SFMBT2: variants seen among roughly 807,000 people sequenced by gnomAD.
SFMBT2 encodes scm-like with four MBT domains protein 2.
In SFMBT2, 38 loss-of-function variants were observed where a neutral mutation model predicts 110.1. The ratio of observed to expected loss-of-function variants is 0.35; its 90% CI spans 0.27 to 0.45. The LOEUF is 0.45. Ranked by LOEUF, SFMBT2 falls within the 20% of genes least tolerant of loss-of-function variation. The pLI, the probability that SFMBT2 is intolerant of heterozygous loss-of-function variation, is 1.00. For missense variants in SFMBT2, 1,011 were observed against 1,094.9 expected, an observed-to-expected ratio of 0.92 and a Z score of 1.08; for synonymous variants, 425 against 425.4, an observed-to-expected ratio of 1.00 and a Z score of 0.01.
chr10:7,200,330 A>C (rs190675340), intron 14 of SFMBT2, 84 bp downstream of exon 14: 2 of 1,074,954 alleles, frequency 1.9e-6, no homozygotes, highest in East Asian at 5.5e-5. Context: ...AGATGTATTC[A>C]TATCGACCTA....
chr10:7,186,423 T>TACACACACACAC (rs766631230), intron 16 of SFMBT2, among the ~76,000 whole-genome samples: 1 of 108,136 alleles, frequency 9.2e-6, no homozygotes, highest in South Asian at 3.0e-4. Flanking sequence ...ACATACTATA[T>TACACACACACAC]ATACACACAC....
At chr10:7,252,533 C>T (rs987452191) in intron 7 of SFMBT2, among the ~76,000 whole-genome samples, 1 of 152,192 alleles carries the variant, frequency 6.6e-6, no homozygotes, top group African/African-American at 2.4e-5. Flanking sequence ...CATTAAACTT[C>T]CCATCTTTGC....
intron 4 of SFMBT2, among the ~76,000 whole-genome samples, chr10:7,304,758 G>A (rs1287394305): frequency 1.3e-5 from 2 of 152,212 alleles, no homozygotes; most frequent in Admixed American, 6.5e-5. Flanking sequence ...AAAGGAGAAG[G>A]AAATCTCTTG....
chr10:7,284,314 C>A, intron 5 of SFMBT2, 164 bp from the exon 6 acceptor site: 15 of 1,425,788 alleles, frequency 1.1e-5, no homozygotes, highest in Non-Finnish European at 1.3e-5. Flanking sequence ...TGCCCCACCC[C>A]TTCCCTTTCC....
chr10:7,205,946 G>A lies in SFMBT2; in HGVS notation c.1331-18C>T, dbSNP rs756748261. Reference sequence around the variant, plus strand: ...CTGCAGCCCTGCATGGGAAGAAGTTGAAACAAGAGGTACAAACAGATCTTA... The same window carrying A: ...CTGCAGCCCTGCATGGGAAGAAGTTAAAACAAGAGGTACAAACAGATCTTA... On this transcript the variant is annotated intron_variant, in intron 11 of 20. Coordinates refer to ENST00000397167, the MANE Select transcript of SFMBT2 (RefSeq NM_001387889.1). 9.9e-6 allele frequency: 16 copies of A among 1,613,276 alleles called. No homozygotes were observed. The South Asian group carries it at 1.3e-4, about 13-fold the overall frequency.
chr10:7,387,350 C>T (rs1344922903), intron 1 of SFMBT2, among the ~76,000 whole-genome samples: 1 of 152,148 alleles, frequency 6.6e-6, no homozygotes, highest in African/African-American at 2.4e-5. Context: ...AATGGAACAT[C>T]TGATTTATTT....
At chr10:7,252,568 C>T (rs1840846585) in intron 7 of SFMBT2, among the ~76,000 whole-genome samples, 1 of 152,160 alleles carries the variant, frequency 6.6e-6, no homozygotes, top group South Asian at 2.1e-4. Context: ...GAACATAAAA[C>T]ATCAAAACCA....
At chr10:7,385,027 T>G (rs1331107907) in intron 1 of SFMBT2, among the ~76,000 whole-genome samples, 1 of 152,160 alleles carries the variant, frequency 6.6e-6, no homozygotes, top group Middle Eastern at 3.2e-3. Flanking sequence ...GCGCTACACC[T>G]GGAGCTTACA....
rs781121030 is a variant in SFMBT2 at position 7,176,103 on chromosome 10, T to C, written c.1871A>G (p.Asn624Ser). ...CTTGGCACAGACTCGGCGGCAGAAA[T>C]TTGCGACTTGGTCAGATGTCCGTAC... Reference protein sequence around the residue: ...KIVRTSDQVANFCRRVCAKLE... With the variant: ...KIVRTSDQVASFCRRVCAKLE... Residue 624 changes from asparagine to serine, a missense_variant, in exon 17 of 21, where the codon AAT (asparagine) becomes AGT (serine). Asn to Ser is a conservative substitution (Grantham distance 46). Around this residue, in one of 2 missense-constraint regions of SFMBT2, gnomAD observed 979 missense variants for 1,016.1 expected, o/e 0.96. Transcript: ENST00000397167. 6 of 1,614,050 alleles carry C rather than the reference T, an allele frequency of 3.7e-6. No individual in the cohort carries two copies. In the East Asian group the frequency reaches 1.3e-4, roughly 36 times the overall value.
intron 4 of SFMBT2, among the ~76,000 whole-genome samples, chr10:7,297,574 G>C (rs1210981663): frequency 1.3e-5 from 2 of 152,040 alleles, no homozygotes; most frequent in Non-Finnish European, 1.5e-5. Context: ...GGATGAGGAG[G>C]CCATCACGGG....
intron 2 of SFMBT2, among the ~76,000 whole-genome samples, chr10:7,381,388 T>C (rs1355084054): frequency 1.3e-5 from 2 of 152,188 alleles, no homozygotes; most frequent in Non-Finnish European, 1.5e-5. Context: ...TGCAACTAAC[T>C]TCCTGTCAAG....
chr10:7,240,945 G>C (rs1840410580), intron 9 of SFMBT2, among the ~76,000 whole-genome samples: 1 of 152,126 alleles, frequency 6.6e-6, no homozygotes, highest in South Asian at 2.1e-4. Flanking sequence ...TGGTTTGGCT[G>C]TGTCCTCACC....
At chr10:7,350,140 C>T (rs1303929338) in intron 4 of SFMBT2, among the ~76,000 whole-genome samples, 1 of 152,036 alleles carries the variant, frequency 6.6e-6, no homozygotes, top group Non-Finnish European at 1.5e-5. Context: ...CAACCTTGAT[C>T]CTTCCTAGTA....
chr10:7,410,901 C>G lies in SFMBT2; in HGVS notation c.-92G>C, dbSNP rs1846360019. On this transcript the variant is annotated 5_prime_UTR_variant, in exon 1 of 21. Transcript: ENST00000397167. The stretch of plus-strand genomic sequence containing the variant: ...CTGCCCTCGGCGTGGACCCAGGCCC[C>G]GGTCGCCGCCCGGGAGGGCACCGGC... 6.6e-6 allele frequency among the ~76,000 whole-genome samples: 1 copy of G among 151,424 alleles called. No homozygotes were observed. The highest frequency in any genetic ancestry group is 1.5e-5 in the Non-Finnish European group (1 of 67,806).
intron 1 of SFMBT2, among the ~76,000 whole-genome samples, chr10:7,404,209 C>G (rs909100823): frequency 6.6e-6 from 1 of 152,168 alleles, no homozygotes; most frequent in African/African-American, 2.4e-5. Context: ...ATCTCTAGAC[C>G]TACAATCCAA....
At chr10:7,348,208 G>T in intron 4 of SFMBT2, 2 of 1,229,228 alleles carry the variant, frequency 1.6e-6, no homozygotes, top group Middle Eastern at 2.0e-4. Flanking sequence ...ATGTTTGAGG[G>T]TGGTGGGAGA....
At chr10:7,281,027 G>A (rs1841937394) in intron 6 of SFMBT2, among the ~76,000 whole-genome samples, 1 of 152,194 alleles carries the variant, frequency 6.6e-6, no homozygotes, top group African/African-American at 2.4e-5. Context: ...GGTCACCTGA[G>A]CTCAGGAGTT....
At chr10:7,357,954 G>A (rs1844573666) in intron 4 of SFMBT2, among the ~76,000 whole-genome samples, 1 of 152,084 alleles carries the variant, frequency 6.6e-6, no homozygotes, top group African/African-American at 2.4e-5. Context: ...ACATCAGCAT[G>A]GCCCCGGAAT....
chr10:7,390,801 T>A (rs1340170522), intron 1 of SFMBT2, among the ~76,000 whole-genome samples: 1 of 152,210 alleles, frequency 6.6e-6, no homozygotes, highest in Non-Finnish European at 1.5e-5. Flanking sequence ...AAATCAATCA[T>A]TTTAAATAGA....
Sources: allele counts gnomAD v4.1 joint callset (sites outside exome capture counted in the v4.1 genomes callset), GRCh38; gene constraint gnomAD v4.1.1; regional missense constraint gnomAD v4.1.1; transcripts MANE v1.5; gene names NCBI Gene and HGNC (gene_info 2026-07-23, HGNC 2026-07-21).